The following FSTL4 variants were observed in gnomAD, a reference collection of about 807,000 sequenced individuals.
FSTL4 encodes the protein follistatin-related protein 4.
A neutral mutation model predicts 78.2 loss-of-function variants in FSTL4; 28 were observed. The observed-to-expected ratio is 0.36, with a 90% CI of 0.27 to 0.49. The LOEUF (loss-of-function observed/expected upper bound fraction) is 0.49. Ranked by LOEUF, FSTL4 falls within the 20% of genes least tolerant of loss-of-function variation. The pLI, the probability that FSTL4 is intolerant of heterozygous loss-of-function variation, is 0.98. For missense variants in FSTL4, 922 were observed against 1,084.9 expected, an observed-to-expected ratio of 0.85 and a Z score of 2.11; for synonymous variants, 422 against 440.5, an observed-to-expected ratio of 0.96 and a Z score of 0.53.
intron 3 of FSTL4, among the ~76,000 whole-genome samples, chr5:133,490,014 G>A (rs1004413927): frequency 1.3e-5 from 2 of 152,160 alleles, no homozygotes; most frequent in Non-Finnish European, 2.9e-5. Flanking sequence ...TCTCATTCCA[G>A]GTTCTCAGTA....
the FSTL4 span, among the ~76,000 whole-genome samples, chr5:133,682,931 G>A: frequency 1.7e-4 from 26 of 152,078 alleles, no homozygotes; most frequent in African/African-American, 5.1e-4. Flanking sequence ...CAGTTACCCC[G>A]CAAGATTTGC....
rs116786563 is a variant in FSTL4, at chr5:133,198,799, T to C, written c.*296A>G. 228 of 261,780 alleles carry C rather than the reference T, an allele frequency of 8.7e-4. No individual in the cohort carries two copies. Among genetic ancestry groups the C allele is most frequent in the African/African-American group, 4.8e-3 (220 of 45,544 alleles). The allele number at this position is 261,780 out of a possible 1,614,324, so 16.2% of individuals were successfully genotyped here. ...CTGCTTGGAGAGCAGGATCCCTTGG[T>C]TCCATGATGTCCCCAGGTCACTCGG... On this transcript the variant is annotated 3_prime_UTR_variant, in exon 16 of 16. Coordinates refer to ENST00000265342, the MANE Select transcript of FSTL4 (RefSeq NM_015082.2).
At chr5:133,769,396 C>T in the FSTL4 span, among the ~76,000 whole-genome samples, 4 of 152,192 alleles carry the variant, frequency 2.6e-5, 1 homozygote, top group Admixed American at 2.0e-4. Flanking sequence ...GTTTCCTCCT[C>T]GGTATACAAT....
the FSTL4 span, among the ~76,000 whole-genome samples, chr5:133,828,491 G>T: frequency 6.6e-6 from 1 of 152,072 alleles, no homozygotes; most frequent in African/African-American, 2.4e-5. Context: ...GCAAAGAATT[G>T]GCACTCTTAA....
chr5:133,610,434 A>G (rs1382421559), intron 1 of FSTL4, among the ~76,000 whole-genome samples: 1 of 152,198 alleles, frequency 6.6e-6, no homozygotes, highest in Non-Finnish European at 1.5e-5. Flanking sequence ...GTCTTTGGAG[A>G]GGGTGGTGCC....
chr5:133,295,986 C>A (rs3943874), intron 6 of FSTL4, among the ~76,000 whole-genome samples: 104,348 of 151,976 alleles, frequency 0.69, 36,142 homozygotes, highest in Non-Finnish European at 0.73. Context: ...TTCAGCCTAG[C>A]CCTCTCCTCG....
In FSTL4 at chr5:133,393,526, C is replaced by A. The variant is rs1011624118; in HGVS notation, c.409+7212G>T. ...GGAAGAGGGCTGGGGACAGAGAGAT[C>A]CCTTTGCAAAGACTGAAAGAACAAC... is the stretch of plus-strand genomic sequence containing the variant. On this transcript the variant is annotated intron_variant, in intron 4 of 15. Transcript: ENST00000265342. Among the ~76,000 whole-genome samples, 5 of 152,148 alleles carry A rather than the reference C, an allele frequency of 3.3e-5. No homozygotes were observed. In the East Asian group the frequency reaches 9.6e-4, roughly 29 times the overall value.
intron 3 of FSTL4, among the ~76,000 whole-genome samples, chr5:133,539,519 C>T (rs1036648378): frequency 6.7e-6 from 1 of 150,118 alleles, no homozygotes; most frequent in African/African-American, 2.5e-5. Context: ...ACAACTTCTA[C>T]AGATATTTTC....
the FSTL4 span, among the ~76,000 whole-genome samples, chr5:133,682,990 C>G: frequency 6.6e-6 from 1 of 152,156 alleles, no homozygotes; most frequent in Non-Finnish European, 1.5e-5. Flanking sequence ...TGACTAATAT[C>G]AAGATATCTT....
chr5:133,363,013 G>C (rs1267259783), intron 4 of FSTL4, among the ~76,000 whole-genome samples: 1 of 151,724 alleles, frequency 6.6e-6, no homozygotes, highest in Non-Finnish European at 1.5e-5. Flanking sequence ...CAGCCCTTTA[G>C]AGCTCTTATT....
the FSTL4 span, among the ~76,000 whole-genome samples, chr5:133,679,434 GTGGGGATCGTGCTCCCTCAAGCATC>G: frequency 6.6e-6 from 1 of 152,110 alleles, no homozygotes. Flanking sequence ...TTTTTGCACA[GTGGGGATCGTGCTCCCTCAAGCATC>G]TGAGGACTCA....
chr5:133,534,423 T>C (rs750215345), intron 3 of FSTL4, among the ~76,000 whole-genome samples: 2 of 152,250 alleles, frequency 1.3e-5, no homozygotes, highest in Non-Finnish European at 1.5e-5. Context: ...TCTTTTCTAA[T>C]ACATTTAACT....
the FSTL4 span, among the ~76,000 whole-genome samples, chr5:133,682,927 C>T: frequency 6.6e-6 from 1 of 152,088 alleles, no homozygotes; most frequent in African/African-American, 2.4e-5. Context: ...TGTACAGTTA[C>T]CCCGCAAGAT....
chr5:133,308,402 G>C (rs935645887), intron 6 of FSTL4, among the ~76,000 whole-genome samples: 2 of 152,172 alleles, frequency 1.3e-5, no homozygotes, highest in African/African-American at 4.8e-5. Flanking sequence ...GAATGAAATG[G>C]AGTAGAACAA....
chr5:133,422,304 C>A (rs970366161), intron 3 of FSTL4, among the ~76,000 whole-genome samples: 2 of 152,016 alleles, frequency 1.3e-5, no homozygotes, highest in African/African-American at 4.8e-5. Context: ...CAAATGCATG[C>A]TGGCTGCTGG....
intron 4 of FSTL4, among the ~76,000 whole-genome samples, chr5:133,342,735 G>A (rs1209534220): frequency 6.6e-6 from 1 of 152,178 alleles, no homozygotes; most frequent in Non-Finnish European, 1.5e-5. Context: ...TGGGGACTAT[G>A]AGAAAACTTG....
At position 133,212,043 on chromosome 5, in the gene FSTL4, C is replaced by G. The variant is rs1328181831; in HGVS notation, c.1609-1745G>C. Among the ~76,000 whole-genome samples, 8 of 152,218 alleles carry G rather than the reference C, an allele frequency of 5.3e-5. 1 individual carries two copies. The highest frequency in any genetic ancestry group is 5.2e-4 in the Admixed American group (8 of 15,288). ...GCTGCTTTTTATTTTCTAGACTTTA[C>G]ATACCCCGAGGCCTTTGTAGCCTCC... On this transcript the variant is annotated intron_variant, in intron 13 of 15. Coordinates refer to ENST00000265342, the MANE Select transcript of FSTL4 (RefSeq NM_015082.2).
At chr5:133,241,565 G>A (rs577223946) in intron 7 of FSTL4, among the ~76,000 whole-genome samples, 19 of 152,218 alleles carry the variant, frequency 1.2e-4, no homozygotes, top group Non-Finnish European at 2.5e-4. Flanking sequence ...CAGGACTCCA[G>A]AGTGTTATGT....
the FSTL4 span, among the ~76,000 whole-genome samples, chr5:133,828,766 T>TA: frequency 6.6e-6 from 1 of 152,238 alleles, no homozygotes; most frequent in Non-Finnish European, 1.5e-5. Context: ...ATAAATCACT[T>TA]AGTCTTTACA....
Sources: allele counts gnomAD v4.1 joint callset (sites outside exome capture counted in the v4.1 genomes callset), GRCh38; gene constraint gnomAD v4.1.1; transcripts MANE v1.5; gene names NCBI Gene and HGNC (gene_info 2026-07-23, HGNC 2026-07-21).